STK24: variants seen among roughly 807,000 people sequenced by gnomAD.
The protein encoded by STK24 is serine/threonine-protein kinase 24.
A neutral mutation model predicts 55.6 loss-of-function variants in STK24; 21 were observed. The ratio of observed to expected loss-of-function variants is 0.38; its 90% CI spans 0.27 to 0.54. STK24 has a LOEUF of 0.54. Among genes scored for constraint, STK24 ranks in the 20% least tolerant of loss-of-function variants. The pLI, the probability that STK24 is intolerant of heterozygous loss-of-function variation, is 0.79. For synonymous variants in STK24, 200 were observed against 215.2 expected (o/e 0.93, Z 0.62); for missense variants, 383 against 538.4 (o/e 0.71, Z 2.86).
rs1566334819 is a variant in STK24, at chr13:98,449,998, G to GACTT, written c.*3171_*3174dup. 6.6e-6 allele frequency: 1 copy of GACTT among 151,720 alleles called. No homozygotes were observed. The highest frequency in any genetic ancestry group is 2.4e-5 in the African/African-American group (1 of 41,262). The allele number at this position is 151,720 out of a possible 1,614,324, so 9.4% of individuals were successfully genotyped here. A position where few individuals can be genotyped will look rare whatever the true frequency, so the allele number is the denominator to read the frequency against. ...AAGTCACCACTCACTCATTCCTGGA[G>GACTT]ACTTGGGGACAAGGCAGTCTCCTCA... On this transcript the variant is annotated 3_prime_UTR_variant, in exon 11 of 11. Coordinates refer to ENST00000539966, the MANE Select transcript of STK24 (RefSeq NM_001032296.4).
Position 98,519,128 on chromosome 13 carries a change from A to C in STK24, c.273+115T>G. ...TTCTTTTGATCACGAAGGTCAAAAC[A>C]TCTCTCCTTGCTCTGAAACCTGCTG... is the stretch of plus-strand genomic sequence containing the variant. On this transcript the variant is annotated intron_variant, in intron 2 of 10. Coordinates refer to ENST00000539966, the MANE Select transcript of STK24 (RefSeq NM_001032296.4). 8.8e-6 allele frequency: 7 copies of C among 791,948 alleles called. No individual in the cohort carries two copies. The South Asian group carries it at 1.2e-4, about 13-fold the overall frequency. The allele number at this position is 791,948 out of a possible 1,614,324, so 49.1% of individuals were successfully genotyped here. A position where few individuals can be genotyped will look rare whatever the true frequency, so the allele number is the denominator to read the frequency against.
At chr13:98,530,089 A>C (rs925900280) in intron 1 of STK24, among the ~76,000 whole-genome samples, 2 of 107,742 alleles carry the variant, frequency 1.9e-5, no homozygotes, top group South Asian at 6.3e-4. Context: ...ATGTGGGTGC[A>C]AACACACACA....
chr13:98,461,750 C>T (rs1294378898), intron 8 of STK24, 24 bp downstream of exon 8: 1 of 1,610,518 alleles, frequency 6.2e-7, no homozygotes, highest in African/African-American at 1.3e-5. Context: ...GTCAGCGTGG[C>T]CATTCTGGAG....
At chr13:98,514,948 A>T (rs1443748631) in intron 2 of STK24, among the ~76,000 whole-genome samples, 2 of 152,260 alleles carry the variant, frequency 1.3e-5, no homozygotes, top group South Asian at 4.2e-4. Flanking sequence ...TCATGGAAGT[A>T]TATCTGCGTT....
chr13:98,548,079 C>T (rs186343850), intron 1 of STK24, among the ~76,000 whole-genome samples: 4 of 152,132 alleles, frequency 2.6e-5, no homozygotes, highest in African/African-American at 7.2e-5. Flanking sequence ...GTGGAGTCTA[C>T]GGCCAGGTGC....
intron 5 of STK24, among the ~76,000 whole-genome samples, chr13:98,468,449 C>T (rs2139271571): frequency 1.3e-5 from 2 of 152,330 alleles, no homozygotes; most frequent in Admixed American, 1.3e-4. Flanking sequence ...CATGGGAGCA[C>T]AGGGTGGGCA....
intron 1 of STK24, chr13:98,543,167 T>G (rs1483082974): frequency 3.8e-6 from 1 of 260,190 alleles, no homozygotes; most frequent in Non-Finnish European, 6.0e-6. Context: ...TCTATCCAAG[T>G]GTCCCCACAG....
intron 2 of STK24, among the ~76,000 whole-genome samples, chr13:98,503,024 G>GTTTGTTTTTTT (rs1895540252): frequency 9.3e-6 from 1 of 107,084 alleles, no homozygotes; most frequent in Non-Finnish European, 1.8e-5. Context: ...CTTTCCATGT[G>GTTTGTTTTTTT]TTTTTTTTTT....
rs554217690 is a variant in STK24, at chr13:98,514,051, C to A, written c.273+5192G>T. 2.0e-5 allele frequency among the ~76,000 whole-genome samples: 3 copies of A among 152,336 alleles called. No individual in the cohort carries two copies. In the South Asian group the frequency reaches 6.2e-4, roughly 32 times the overall value. On this transcript the variant is annotated intron_variant, in intron 2 of 10. Transcript: ENST00000539966. ...TCATCATGTAGCTAGACTGGTATTT[C>A]TTCTCTGCAATGTGAAGTTATCATA... is the stretch of plus-strand genomic sequence containing the variant.
chr13:98,553,088 C>G (rs1897195766), intron 1 of STK24, among the ~76,000 whole-genome samples: 1 of 152,126 alleles, frequency 6.6e-6, no homozygotes, highest in African/African-American at 2.4e-5. Context: ...ATCTCTGCAC[C>G]TTACACTCAA....
intron 1 of STK24, among the ~76,000 whole-genome samples, chr13:98,531,284 T>A (rs1297392257): frequency 6.6e-6 from 1 of 152,226 alleles, no homozygotes; most frequent in Non-Finnish European, 1.5e-5. Context: ...TTATAAAATA[T>A]CTACACATGC....
In STK24 at chr13:98,446,448, G is replaced by A; in HGVS notation, c.*6725C>T. 1 of 607,636 alleles carries A rather than the reference G, an allele frequency of 1.6e-6. No homozygotes were observed. The highest frequency in any genetic ancestry group is 2.9e-6 in the Non-Finnish European group (1 of 343,876). 37.6% of individuals were successfully genotyped at this position (607,636 alleles called of 1,614,324 possible). Reference sequence around the variant, plus strand: ...GCCACCTGTCTTCTGCCTGGACAAGGGACGGGGGTTGGCTTTATCTACAGC... The same window carrying A: ...GCCACCTGTCTTCTGCCTGGACAAGAGACGGGGGTTGGCTTTATCTACAGC... On this transcript the variant is annotated 3_prime_UTR_variant, in exon 11 of 11. Transcript: ENST00000539966.
Position 98,463,745 on chromosome 13 carries a change from T to C in STK24, c.875A>G (p.Lys292Arg), listed in dbSNP as rs1893812610. The C allele has an allele frequency of 6.2e-7, 1 of 1,614,246 alleles. No individual in the cohort carries two copies. The highest frequency in any genetic ancestry group is 2.2e-5 in the East Asian group (1 of 44,882). Reference sequence around the variant, plus strand: ...ATGGCTCTGCTCGGCCTTCCATCTCTTGTACCTGTCGATGAGCTCGGTCAA... The same window carrying C: ...ATGGCTCTGCTCGGCCTTCCATCTCCTGTACCTGTCGATGAGCTCGGTCAA... Reference protein sequence around the residue: ...SYLTELIDRYKRWKAEQSHDD... With the variant: ...SYLTELIDRYRRWKAEQSHDD... Residue 292 changes from lysine to arginine, a missense_variant, in exon 7 of 11, where the codon AAG (lysine) becomes AGG (arginine). Lys to Arg is a conservative substitution (Grantham distance 26, BLOSUM62 2). Coordinates refer to ENST00000539966, the MANE Select transcript of STK24 (RefSeq NM_001032296.4).
Position 98,532,935 on chromosome 13 carries a change from T to C in STK24, c.43-13462A>G, listed in dbSNP as rs147931808. ...CCATCTGGTTTAGTAAACTCATTTC[T>C]CCCATAGTATACACTTTATTTTATC... On this transcript the variant is annotated intron_variant, in intron 1 of 10. Coordinates refer to ENST00000539966, the MANE Select transcript of STK24 (RefSeq NM_001032296.4). Among the ~76,000 whole-genome samples, 412 of 152,382 alleles carry C rather than the reference T, an allele frequency of 2.7e-3. 2 individuals carry two copies. Among genetic ancestry groups the C allele is most frequent in the African/African-American group, 9.1e-3 (378 of 41,598 alleles).
In STK24 at chr13:98,446,082, C is replaced by T. The variant is rs1261127777; in HGVS notation, c.*7091G>A. 1 of 1,576,758 alleles carries T rather than the reference C, an allele frequency of 6.3e-7. No individual in the cohort carries two copies. The highest frequency in any genetic ancestry group is 1.7e-5 in the Admixed American group (1 of 59,880). ...AGGTGCCCGCTGTGCTTCTCACAGGCCTCCTTGCCTTTCAGAATCAGTTGT... is the reference window on the plus strand; with the variant it reads ...AGGTGCCCGCTGTGCTTCTCACAGGTCTCCTTGCCTTTCAGAATCAGTTGT... On this transcript the variant is annotated 3_prime_UTR_variant, in exon 11 of 11. Transcript: ENST00000539966.
At position 98,448,852 on chromosome 13, in the gene STK24, G is replaced by C. The variant is rs1254492925; in HGVS notation, c.*4321C>G. 1 of 152,066 alleles carries C rather than the reference G, an allele frequency of 6.6e-6. No individual in the cohort carries two copies. The highest frequency in any genetic ancestry group is 2.4e-5 in the African/African-American group (1 of 41,294). 9.4% of individuals were successfully genotyped at this position (152,066 alleles called of 1,614,324 possible). A position where few individuals can be genotyped will look rare whatever the true frequency, so the allele number is the denominator to read the frequency against. Reference sequence around the variant, plus strand: ...TTTTGTAATAATAGGAAGTTAGTAGGACTCACTTCTCTGATTAATAAGCAA... The same window carrying C: ...TTTTGTAATAATAGGAAGTTAGTAGCACTCACTTCTCTGATTAATAAGCAA... On this transcript the variant is annotated 3_prime_UTR_variant, in exon 11 of 11. Coordinates refer to ENST00000539966, the MANE Select transcript of STK24 (RefSeq NM_001032296.4).
chr13:98,555,348 G>A (rs572956834), intron 1 of STK24, among the ~76,000 whole-genome samples: 7 of 152,068 alleles, frequency 4.6e-5, no homozygotes, highest in East Asian at 1.9e-4. Flanking sequence ...TTGGGAGGCC[G>A]AGGCAGGCAG....
intron 1 of STK24, among the ~76,000 whole-genome samples, chr13:98,558,017 C>T (rs905896594): frequency 6.6e-6 from 1 of 152,202 alleles, no homozygotes; most frequent in Non-Finnish European, 1.5e-5. Flanking sequence ...ATTACCCCCT[C>T]CTCTGCGCTA....
intron 2 of STK24, among the ~76,000 whole-genome samples, chr13:98,485,510 A>G (rs1894770783): frequency 6.6e-6 from 1 of 152,224 alleles, no homozygotes; most frequent in Admixed American, 6.5e-5. Context: ...GAGGCTCAGA[A>G]TCTTGTAGCC....
Sources: gnomAD v4.1 joint callset for allele counts (sites outside exome capture counted in the v4.1 genomes callset) on GRCh38, gnomAD v4.1.1 for gene constraint, MANE v1.5 for transcripts, NCBI Gene and HGNC (gene_info 2026-07-23, HGNC 2026-07-21) for gene names.